Variants in TPM3 observed in about 807,000 individuals in gnomAD.
TPM3 encodes the protein tropomyosin 3, also known as tropomyosin alpha-3 chain.
A neutral mutation model predicts 43.1 loss-of-function variants in TPM3; 16 were observed. The observed-to-expected ratio is 0.37, with a 90% confidence interval of 0.25 to 0.56. The LOEUF (loss-of-function observed/expected upper bound fraction) is 0.56, where lower values mean the gene tolerates loss of function less well. Among genes scored for constraint, TPM3 ranks in the 20% least tolerant of loss-of-function variants. TPM3 has a pLI of 0.77. For missense variants in TPM3, 176 were observed against 337.2 expected, an observed-to-expected ratio of 0.52 and a Z score of 3.74; for synonymous variants, 101 against 116.9, an observed-to-expected ratio of 0.86 and a Z score of 0.88.
intron 1 of TPM3, 124 bp from the exon 2 acceptor site, chr1:154,191,435 C>T: frequency 6.6e-7 from 1 of 1,520,850 alleles, no homozygotes; most frequent in Non-Finnish European, 8.9e-7. Flanking sequence ...CACACTTTCT[C>T]CCCAGCCACT....
rs1027657421 is a variant in TPM3, at chr1:154,176,314, C to T, written c.244-66G>A. 3.7e-6 allele frequency: 6 copies of T among 1,610,310 alleles called. No homozygotes were observed. The African/African-American group carries it at 8.0e-5, about 22-fold the overall frequency. On this transcript the variant is annotated intron_variant, in intron 2 of 9. Coordinates refer to ENST00000651641, the MANE Select transcript of TPM3 (RefSeq NM_152263.4). ...TGGAGAAAAGAAGAAATAACTATGA[C>T]ATTAAGATCAGGGTTGACTACCATG...
chr1:154,167,548 C>T lies in TPM3; in HGVS notation c.*389G>A, dbSNP rs74731791. 4,420 of 1,146,850 alleles carry T rather than the reference C, an allele frequency of 3.9e-3. 137 individuals carry two copies. The African/African-American group carries it at 0.064, about 17-fold the overall frequency. The allele number at this position is 1,146,850 out of a possible 1,614,324, so 71.0% of individuals were successfully genotyped here. On this transcript the variant is annotated 3_prime_UTR_variant, in exon 10 of 10. Transcript: ENST00000651641. ...AAATTACTATCCTGAGTAACCTGTA[C>T]TAAATCCATCACTCTGGTAGAATCA...
At chr1:154,185,372 CAAAA>C (rs34650875) in intron 2 of TPM3, among the ~76,000 whole-genome samples, 57,260 of 118,974 alleles carry the variant, frequency 0.48, 12,780 homozygotes, top group Admixed American at 0.61. Context: ...GACTCTGTAT[CAAAA>C]AAAAAAAAAA....
intron 2 of TPM3, among the ~76,000 whole-genome samples, chr1:154,179,935 T>C (rs1322591652): frequency 1.3e-5 from 2 of 152,130 alleles, no homozygotes; most frequent in African/African-American, 2.4e-5. Flanking sequence ...GAGAGAGTTA[T>C]TAAAAACAGA....
At chr1:154,184,628 CTG>C (rs1480125134) in intron 2 of TPM3, among the ~76,000 whole-genome samples, 2 of 152,176 alleles carry the variant, frequency 1.3e-5, no homozygotes, top group African/African-American at 4.8e-5. Context: ...TTACAGACCA[CTG>C]TCAGCCGGGC....
chr1:154,187,280 T>C, intron 2 of TPM3: 1 of 976,676 alleles, frequency 1.0e-6, no homozygotes, highest in Non-Finnish European at 1.2e-6. Flanking sequence ...AAACTTTATT[T>C]ACAAAACCAG....
At chr1:154,191,826 T>A (rs1034990659) in intron 1 of TPM3, 76 bp downstream of exon 1, 2 of 1,585,846 alleles carry the variant, frequency 1.3e-6, no homozygotes, top group Admixed American at 1.7e-5. Context: ...GTAGTCACTG[T>A]CTTTCCCATG....
chr1:154,183,864 T>C (rs1011687768), intron 2 of TPM3: 3 of 146,408 alleles, frequency 2.0e-5, no homozygotes, highest in African/African-American at 7.6e-5. Context: ...TTTTTTTTTT[T>C]TTTTTTTTTT....
downstream of TPM3, among the ~76,000 whole-genome samples, chr1:154,161,194 T>C (rs1357111357): frequency 7.2e-6 from 1 of 139,672 alleles, no homozygotes; most frequent in Non-Finnish European, 1.5e-5. Flanking sequence ...GCATTTTGAA[T>C]AAGGAATACT....
chr1:154,172,905 C>T lies in TPM3; in HGVS notation c.566+3G>A. On this transcript the variant is annotated splice_donor_region_variant and intron_variant, in intron 5 of 9. Transcript: ENST00000651641. ...GACAAGATTTGGGGAGCTAGATACT[C>T]ACGACTCTGCCAGCTCAGCTCGTTC... 1 of 1,614,210 alleles carries T rather than the reference C, an allele frequency of 6.2e-7. No individual in the cohort carries two copies.
At chr1:154,176,729 C>T (rs938588268) in intron 2 of TPM3, among the ~76,000 whole-genome samples, 17 of 151,686 alleles carry the variant, frequency 1.1e-4, no homozygotes, top group African/African-American at 3.9e-4. Context: ...CCTGTAATCC[C>T]AGTATTCTGG....
At position 154,162,710 on chromosome 1, in the gene TPM3, A is replaced by C. The variant is rs2148201512; in HGVS notation, c.*5227T>G. Among the ~76,000 whole-genome samples, 1 of 152,346 alleles carries C rather than the reference A, an allele frequency of 6.6e-6. No homozygotes were observed. The highest frequency in any genetic ancestry group is 1.9e-4 in the East Asian group (1 of 5,190). On this transcript the variant is annotated 3_prime_UTR_variant, in exon 10 of 10. Coordinates refer to ENST00000651641, the MANE Select transcript of TPM3 (RefSeq NM_152263.4). Reference sequence around the variant, plus strand: ...TCAAGTAACACAGGATGGCTTCTGCAAGGATATTAAGCCTTAAACAAAGGA... The same window carrying C: ...TCAAGTAACACAGGATGGCTTCTGCCAGGATATTAAGCCTTAAACAAAGGA...
chr1:154,170,714 G>T lies in TPM3; in HGVS notation c.643-3C>A. Reference sequence around the variant, plus strand: ...TATTTATCTTCTTTTTGAGAGTACTGTAAGATAAGTAGATTAAAAATTTCA... The same window carrying T: ...TATTTATCTTCTTTTTGAGAGTACTTTAAGATAAGTAGATTAAAAATTTCA... On this transcript the variant is annotated splice_region_variant and splice_polypyrimidine_tract_variant and intron_variant, in intron 6 of 9. Transcript: ENST00000651641. 6.3e-7 allele frequency: 1 copy of T among 1,592,456 alleles called. No individual in the cohort carries two copies. The highest frequency in any genetic ancestry group is 8.6e-7 in the Non-Finnish European group (1 of 1,162,338).
intron 3 of TPM3, among the ~76,000 whole-genome samples, chr1:154,174,535 T>C (rs1217786339): frequency 6.7e-6 from 1 of 149,118 alleles, no homozygotes. Flanking sequence ...TCTTTCTTTT[T>C]TTTTTTTTGA....
At position 154,164,186 on chromosome 1, in the gene TPM3, G is replaced by T. The variant is rs1201966775; in HGVS notation, c.*3751C>A. ...CACTTTCCTACTCTTTTTTTGGGGG[G>T]GGTCTCATTCTGCCACCCAGGATGG... On this transcript the variant is annotated 3_prime_UTR_variant, in exon 10 of 10. Transcript: ENST00000651641. 2.0e-5 allele frequency among the ~76,000 whole-genome samples: 3 copies of T among 151,744 alleles called. No individual in the cohort carries two copies. Among genetic ancestry groups the T allele is most frequent in the African/African-American group, 4.8e-5 (2 of 41,288 alleles).
Position 154,167,736 on chromosome 1 carries a change from G to A in TPM3, c.*201C>T. On this transcript the variant is annotated 3_prime_UTR_variant, in exon 10 of 10. Coordinates refer to ENST00000651641, the MANE Select transcript of TPM3 (RefSeq NM_152263.4). ...GCTTTGTCAATGACACAAATGCAGG[G>A]TGGCATGAGGTTTCCAGCAGCTTAA... 1 of 1,440,514 alleles carries A rather than the reference G, an allele frequency of 6.9e-7. No individual in the cohort carries two copies. The highest frequency in any genetic ancestry group is 9.2e-7 in the Non-Finnish European group (1 of 1,091,720). 89.2% of individuals were successfully genotyped at this position (1,440,514 alleles called of 1,614,324 possible). A position where few individuals can be genotyped will look rare whatever the true frequency, so the allele number is the denominator to read the frequency against.
intron 9 of TPM3, among the ~76,000 whole-genome samples, chr1:154,168,828 TAA>T (rs765335817): frequency 6.9e-6 from 1 of 145,796 alleles, no homozygotes; most frequent in Non-Finnish European, 1.5e-5. Flanking sequence ...GCCCAGCCTT[TAA>T]TGTTTTTCTT....
At chr1:154,190,768 A>G (rs1663646006) in intron 2 of TPM3, among the ~76,000 whole-genome samples, 1 of 152,192 alleles carries the variant, frequency 6.6e-6, no homozygotes. Flanking sequence ...TTTGTTGGAC[A>G]GTTGAGAGAT....
chr1:154,191,102 A>C (rs1571455325), intron 2 of TPM3, 84 bp downstream of exon 2: 1 of 1,606,334 alleles, frequency 6.2e-7, no homozygotes, highest in East Asian at 2.2e-5. Context: ...ATGAACCCAC[A>C]AGTGTGTTTG....
Sources: allele counts gnomAD v4.1 joint callset (sites outside exome capture counted in the v4.1 genomes callset), GRCh38; gene constraint gnomAD v4.1.1; transcripts MANE v1.5; gene names NCBI Gene and HGNC (gene_info 2026-07-23, HGNC 2026-07-21).